PFKFB3: variants seen among roughly 807,000 people sequenced by gnomAD.
PFKFB3 encodes 6-phosphofructo-2-kinase/fructose-2,6-bisphosphatase 3.
Under a neutral mutation model 68.0 loss-of-function variants are expected in PFKFB3, and 33 were observed. The observed-to-expected ratio is 0.49, with a 90% CI of 0.37 to 0.65. The LOEUF (loss-of-function observed/expected upper bound fraction) is 0.65. Among genes scored for constraint, PFKFB3 ranks in the 30% least tolerant of loss-of-function variants. The pLI is 0.00. For missense variants in PFKFB3, 586 were observed against 712.2 expected, an observed-to-expected ratio of 0.82 and a Z score of 2.02; for synonymous variants, 315 against 288.2, an observed-to-expected ratio of 1.09 and a Z score of -0.94.
chr10:6,179,878 A>G lies in PFKFB3; in HGVS notation c.17-33745A>G, dbSNP rs369070352. Among the ~76,000 whole-genome samples the G allele has an allele frequency of 4.3e-4, 66 of 152,176 alleles. 1 individual carries two copies. In the East Asian group the frequency reaches 5.8e-3, roughly 13 times the overall value. On this transcript the variant is annotated intron_variant, in intron 1 of 14. Transcript: ENST00000379789. ...TTCCCAGGTGATAAGTGATGAGAAGACCGTTGAGCCCCCAGAGTGACACCC... is the reference window on the plus strand; with the variant it reads ...TTCCCAGGTGATAAGTGATGAGAAGGCCGTTGAGCCCCCAGAGTGACACCC...
intron 1 of PFKFB3, among the ~76,000 whole-genome samples, chr10:6,163,582 C>T (rs1842027070): frequency 6.6e-6 from 1 of 152,074 alleles, no homozygotes; most frequent in Admixed American, 6.5e-5. Context: ...CGGTGCGCGC[C>T]TCCACCCTCC....
chr10:6,276,566 C>G, the PFKFB3 span, among the ~76,000 whole-genome samples: 2 of 152,120 alleles, frequency 1.3e-5, no homozygotes, highest in South Asian at 2.1e-4. Context: ...ATGAACTTCG[C>G]TTTCTCTGGG....
At position 6,243,997 on chromosome 10, in the gene PFKFB3, C is replaced by T. The variant is rs565594693; in HGVS notation, c.1516-10181C>T. Among the ~76,000 whole-genome samples the T allele has an allele frequency of 3.3e-5, 5 of 151,946 alleles. No homozygotes were observed. The South Asian group carries it at 1.0e-3, about 32-fold the overall frequency. ...ACCTCAACCTCCCGAGTAGCTGAGA[C>T]TACAGGTACATACTATCACGCCCAG... is the stretch of plus-strand genomic sequence containing the variant. On this transcript the variant is annotated intron_variant, in intron 14 of 14. Transcript: ENST00000640683.
At chr10:6,157,553 C>T (rs1841847459) in intron 1 of PFKFB3, among the ~76,000 whole-genome samples, 1 of 151,674 alleles carries the variant, frequency 6.6e-6, no homozygotes, top group African/African-American at 2.4e-5. Flanking sequence ...TGAAAACATT[C>T]TAGAAGTTGA....
intron 1 of PFKFB3, among the ~76,000 whole-genome samples, chr10:6,210,631 A>ATCTCC (rs1355909907): frequency 1.7e-3 from 8 of 4,698 alleles, no homozygotes; most frequent in South Asian, 7.9e-3. Context: ...GATAGTCTTG[A>ATCTCC]TAGTGTTTTT....
chr10:6,312,727 A>G, the PFKFB3 span, among the ~76,000 whole-genome samples: 2 of 152,208 alleles, frequency 1.3e-5, no homozygotes, highest in African/African-American at 4.8e-5. Context: ...ATTGTTTTCT[A>G]TATGGAAGTA....
the PFKFB3 span, among the ~76,000 whole-genome samples, chr10:6,324,576 G>A: frequency 2.0e-5 from 3 of 152,008 alleles, no homozygotes; most frequent in East Asian, 1.9e-4. Context: ...ACAGGCACCC[G>A]CCACCACGAC....
At chr10:6,271,338 G>C in the PFKFB3 span, among the ~76,000 whole-genome samples, 3 of 152,214 alleles carry the variant, frequency 2.0e-5, no homozygotes, top group African/African-American at 7.2e-5. Flanking sequence ...TGCCTGGGAG[G>C]CCCAGGCTAC....
At chr10:6,148,809 G>T (rs904069023) in intron 1 of PFKFB3, among the ~76,000 whole-genome samples, 1 of 152,176 alleles carries the variant, frequency 6.6e-6, no homozygotes, top group Admixed American at 6.5e-5. Context: ...CCAGTGTGGT[G>T]GCTCATGCCT....
chr10:6,173,939 G>A (rs987598568), intron 1 of PFKFB3, among the ~76,000 whole-genome samples: 1 of 152,074 alleles, frequency 6.6e-6, no homozygotes, highest in Admixed American at 6.6e-5. Context: ...GAAGAGATGG[G>A]GAGTGAGGGC....
rs202167699 is a variant in PFKFB3 at position 6,203,211 on chromosome 10, G to A, written c.-50G>A. ...GGGGTCGGCGGCCGCTCTCCTGCCA[G>A]CGTCGGGATCTCGGCCCCGGGAGGC... On this transcript the variant is annotated 5_prime_UTR_variant, in exon 1 of 15. Transcript: ENST00000379775. 3.6e-3 allele frequency: 5,658 copies of A among 1,592,534 alleles called. 152 individuals carry two copies. The East Asian group carries it at 0.068, about 19-fold the overall frequency.
rs187622707 is a variant in PFKFB3, at chr10:6,222,441, C to G, written c.1084-414C>G. On this transcript the variant is annotated intron_variant, in intron 10 of 14. Transcript: ENST00000379775. ...TACTCACAGTGCTGTGCAGCCATCA[C>G]CACAAATTCCAGGCCTTTCCCTCAC... is the stretch of plus-strand genomic sequence containing the variant. Among the ~76,000 whole-genome samples, 4 of 152,366 alleles carry G rather than the reference C, an allele frequency of 2.6e-5. No individual in the cohort carries two copies. The East Asian group carries it at 7.7e-4, about 29-fold the overall frequency.
chr10:6,300,127 G>GGTT, the PFKFB3 span, among the ~76,000 whole-genome samples: 2 of 151,944 alleles, frequency 1.3e-5, no homozygotes, highest in Non-Finnish European at 2.9e-5. Flanking sequence ...CTGGTTCTGT[G>GGTT]GTTGTTGGGT....
chr10:6,203,444 G>A (rs1341728796), intron 1 of PFKFB3, 108 bp downstream of exon 1: 4 of 601,840 alleles, frequency 6.6e-6, no homozygotes, highest in African/African-American at 4.0e-5. Context: ...GCGCCCGTGC[G>A]GGTCGCGCCG....
chr10:6,164,503 C>G (rs569203163), intron 1 of PFKFB3, among the ~76,000 whole-genome samples: 45 of 152,310 alleles, frequency 3.0e-4, no homozygotes, highest in African/African-American at 1.1e-3. Context: ...GCCAGCCCCT[C>G]CACACCTGTG....
chr10:6,311,066 G>A, the PFKFB3 span, among the ~76,000 whole-genome samples: 1 of 152,280 alleles, frequency 6.6e-6, no homozygotes, highest in South Asian at 2.1e-4. Context: ...TTCAAAAAAA[G>A]CTAAGTTTTC....
chr10:6,272,451 T>TGG, the PFKFB3 span, among the ~76,000 whole-genome samples: 1 of 152,166 alleles, frequency 6.6e-6, no homozygotes, highest in African/African-American at 2.4e-5. Flanking sequence ...CCTAGCACTT[T>TGG]GGGAGGCCGA....
At chr10:6,164,132 C>G (rs1588403808) in intron 1 of PFKFB3, 2 of 152,242 alleles carry the variant, frequency 1.3e-5, no homozygotes, top group East Asian at 3.9e-4. Flanking sequence ...GCGCGCAGCC[C>G]GTTTCCCTGT....
chr10:6,264,341 T>C, the PFKFB3 span, among the ~76,000 whole-genome samples: 1 of 151,706 alleles, frequency 6.6e-6, no homozygotes, highest in East Asian at 1.9e-4. Context: ...TGGATTTCCA[T>C]TTGATTCTAG....
Sources: gnomAD v4.1 joint callset for allele counts (sites outside exome capture counted in the v4.1 genomes callset) on GRCh38, gnomAD v4.1.1 for gene constraint, MANE v1.5 for transcripts, NCBI Gene and HGNC (gene_info 2026-07-23, HGNC 2026-07-21) for gene names.